The following IL12B variants were observed in gnomAD, a reference collection of about 807,000 sequenced individuals.
IL12B encodes interleukin-12 subunit beta.
Under a neutral mutation model 39.2 loss-of-function variants are expected in IL12B, and 27 were observed. That is an observed-to-expected ratio of 0.69 (90% CI 0.51 to 0.95). The LOEUF is 0.95. Among genes scored for constraint, IL12B ranks in the 40% least tolerant of loss-of-function variants. The probability of loss-of-function intolerance (pLI) is 0.00; values close to 1 mark genes in which losing one functional copy is unlikely to be tolerated. For synonymous variants in IL12B, 142 were observed against 152.1 expected (o/e 0.93, Z 0.49); for missense variants, 351 against 397.6 (o/e 0.88, Z 1.00).
chr5:159,328,564 C>A (rs1162679893), intron 1 of IL12B, among the ~76,000 whole-genome samples: 1 of 152,192 alleles, frequency 6.6e-6, no homozygotes, highest in Non-Finnish European at 1.5e-5. Flanking sequence ...AATTCGGTAT[C>A]TGTGTTTTAT....
At chr5:159,325,572 G>C (rs544694886) in intron 2 of IL12B, 3 of 152,210 alleles carry the variant, frequency 2.0e-5, no homozygotes, top group Admixed American at 2.0e-4. Flanking sequence ...TCATGTCCTT[G>C]TAAAAACGTT....
chr5:159,323,180 T>C lies in IL12B; in HGVS notation c.238A>G (p.Lys80Glu). 1 of 1,614,148 alleles carries C rather than the reference T, an allele frequency of 6.2e-7. No individual in the cohort carries two copies. The highest frequency in any genetic ancestry group is 2.2e-5 in the East Asian group (1 of 44,868). Residue 80 changes from lysine (K) to glutamate (E), a missense_variant, in exon 3 of 8, where the codon AAA (lysine) becomes GAA (glutamate). Physicochemically the swap from Lys to Glu is moderately conservative, Grantham distance 56. Coordinates refer to ENST00000231228, the MANE Select transcript of IL12B (RefSeq NM_002187.3). The stretch of plus-strand genomic sequence containing the variant: ...TACTGGCCAGCATCTCCAAACTCTT[T>C]GACTTGGATGGTCAGGGTTTTGCCA... ...GSGKTLTIQV[K>E]EFGDAGQYTC...
At chr5:159,322,327 G>A in intron 4 of IL12B, 67 bp downstream of exon 4, 1 of 1,007,798 alleles carries the variant, frequency 9.9e-7, no homozygotes, top group East Asian at 2.4e-5. Context: ...TCACTGAGAG[G>A]TTGCCCTTAA....
At chr5:159,321,415 C>A (rs1754091325) in intron 4 of IL12B, among the ~76,000 whole-genome samples, 1 of 150,174 alleles carries the variant, frequency 6.7e-6, no homozygotes, top group Non-Finnish European at 1.5e-5. Flanking sequence ...TATATATAAT[C>A]CATGTTATAT....
chr5:159,327,298 T>G (rs1754207639), intron 1 of IL12B, among the ~76,000 whole-genome samples: 1 of 152,134 alleles, frequency 6.6e-6, no homozygotes, highest in Non-Finnish European at 1.5e-5. Context: ...GTTAAATGCC[T>G]CCCCGCCAGC....
intron 2 of IL12B, among the ~76,000 whole-genome samples, chr5:159,323,622 T>G (rs1027230851): frequency 6.6e-6 from 1 of 152,100 alleles, no homozygotes. Context: ...TACCAAAAAC[T>G]GCAAACAGCA....
chr5:159,317,207 A>C (rs994668695), intron 6 of IL12B, among the ~76,000 whole-genome samples: 2 of 152,192 alleles, frequency 1.3e-5, no homozygotes, highest in African/African-American at 4.8e-5. Context: ...CTTGCCTTCA[A>C]ATTCTGGCAC....
rs77173556 is a variant in IL12B, at chr5:159,328,902, G to A, written c.-1+1530C>T. 4.0e-3 allele frequency among the ~76,000 whole-genome samples: 609 copies of A among 152,286 alleles called. 25 individuals carry two copies. The East Asian group carries it at 0.093, about 23-fold the overall frequency. ...AGCACTGTCCAGGAGAGGTGATGGT[G>A]GTGGGTCTCCTCCTTTGGCTCTCTG... On this transcript the variant is annotated intron_variant, in intron 1 of 7. Coordinates refer to ENST00000231228, the MANE Select transcript of IL12B (RefSeq NM_002187.3).
rs138210841 is a variant in IL12B, at chr5:159,324,117, A to T, written c.89-788T>A. On this transcript the variant is annotated intron_variant, in intron 2 of 7. Transcript: ENST00000231228. ...CTGCATTATTATTATTATTATTATT[A>T]TTTTTAGCTATCTTACACTCTTATG... Among the ~76,000 whole-genome samples the T allele has an allele frequency of 3.1e-3, 463 of 151,798 alleles. 2 individuals are homozygous for T. Among genetic ancestry groups the T allele is most frequent in the African/African-American group, 0.01 (432 of 41,304 alleles).
In IL12B at chr5:159,315,847, C is replaced by T. The variant is rs1428135298; in HGVS notation, c.*254G>A. The stretch of plus-strand genomic sequence containing the variant: ...AATATACTAATAAATACATAAATTA[C>T]TTAAATATTTAAATAGCATGAAGGC... On this transcript the variant is annotated 3_prime_UTR_variant, in exon 8 of 8. Transcript: ENST00000231228. The T allele has an allele frequency of 2.0e-5, 3 of 152,528 alleles. No individual in the cohort carries two copies. The allele number at this position is 152,528 out of a possible 1,614,324, so 9.4% of individuals were successfully genotyped here.
At chr5:159,325,009 G>A in intron 2 of IL12B, among the ~76,000 whole-genome samples, 1 of 152,010 alleles carries the variant, frequency 6.6e-6, no homozygotes, top group East Asian at 1.9e-4. Flanking sequence ...GACACCTGAA[G>A]AGCATGGTTA....
intron 1 of IL12B, among the ~76,000 whole-genome samples, chr5:159,330,218 A>G (rs777267010): frequency 2.0e-5 from 3 of 152,226 alleles, no homozygotes; most frequent in Non-Finnish European, 4.4e-5. Flanking sequence ...CTATACAGTT[A>G]TTATTAGGTG....
chr5:159,320,188 A>G, intron 5 of IL12B, 118 bp downstream of exon 5: 1 of 860,418 alleles, frequency 1.2e-6, no homozygotes, highest in Non-Finnish European at 1.9e-6. Flanking sequence ...TTGTTTTTGG[A>G]TGCAGAATAA....
intron 2 of IL12B, among the ~76,000 whole-genome samples, chr5:159,324,738 T>C (rs1010692944): frequency 3.9e-5 from 6 of 152,206 alleles, no homozygotes; most frequent in Middle Eastern, 3.2e-3. Flanking sequence ...CTTTAGAAGG[T>C]GGATATGTGG....
At chr5:159,327,837 T>C (rs1754218170) in intron 1 of IL12B, among the ~76,000 whole-genome samples, 1 of 152,200 alleles carries the variant, frequency 6.6e-6, no homozygotes, top group Non-Finnish European at 1.5e-5. Flanking sequence ...CCATCTGATA[T>C]AGAAACCAGT....
rs751469954 is a variant in IL12B at position 159,320,560 on chromosome 5, G to A, written c.483-40C>T. On this transcript the variant is annotated intron_variant, in intron 4 of 7. Coordinates refer to ENST00000231228, the MANE Select transcript of IL12B (RefSeq NM_002187.3). ...AGAAATTAGCCTGTGTTACACATTG[G>A]GGAGAGAGTTCCTAGTGATTGTAGC... 2.0e-6 allele frequency: 3 copies of A among 1,520,604 alleles called. No homozygotes were observed. In the Admixed American group the frequency reaches 5.0e-5, roughly 25 times the overall value. 94.2% of individuals were successfully genotyped at this position (1,520,604 alleles called of 1,614,324 possible).
At chr5:159,316,216 G>T in intron 7 of IL12B, 116 bp from the exon 8 acceptor site, 1 of 163,048 alleles carries the variant, frequency 6.1e-6, no homozygotes, top group African/African-American at 2.7e-5. Context: ...ATGCCAGAAG[G>T]CCCAGGCCTT....
At position 159,320,490 on chromosome 5, in the gene IL12B, T is replaced by G; in HGVS notation, c.513A>C (p.Gly171=). ...CTCTCTCTGCAGAGAGTGTAGCAGCTCCGCACGTCACCCCTTGGGGGTCAG... is the reference window on the plus strand; with the variant it reads ...CTCTCTCTGCAGAGAGTGTAGCAGCGCCGCACGTCACCCCTTGGGGGTCAG... ...GSSDPQGVTC[G]AATLSAERVR... The change falls in exon 5 of 8, where the codon GGA becomes GGC. Residue 171 remains glycine, a synonymous_variant. Transcript: ENST00000231228. The G allele has an allele frequency of 2.5e-6, 4 of 1,614,112 alleles. No homozygotes were observed. The highest frequency in any genetic ancestry group is 8.5e-7 in the Non-Finnish European group (1 of 1,179,994).
chr5:159,325,368 G>T (rs946965087), intron 2 of IL12B, among the ~76,000 whole-genome samples: 1 of 152,196 alleles, frequency 6.6e-6, no homozygotes, highest in Non-Finnish European at 1.5e-5. Flanking sequence ...TGGAGAAGGG[G>T]TGGCTGGATT....
Sources: gnomAD v4.1 joint callset for allele counts (sites outside exome capture counted in the v4.1 genomes callset) on GRCh38, gnomAD v4.1.1 for gene constraint, MANE v1.5 for transcripts, NCBI Gene and HGNC (gene_info 2026-07-23, HGNC 2026-07-21) for gene names.